CSNK1E: variants seen among roughly 807,000 people sequenced by gnomAD.
CSNK1E encodes the protein casein kinase I isoform epsilon.
A neutral mutation model predicts 46.1 loss-of-function variants in CSNK1E; 17 were observed. That is an observed-to-expected ratio of 0.37 (90% CI 0.25 to 0.55). CSNK1E has a LOEUF of 0.55. Among genes scored for constraint, CSNK1E ranks in the 20% least tolerant of loss-of-function variants. The probability of loss-of-function intolerance (pLI) is 0.82; values close to 1 mark genes in which losing one functional copy is unlikely to be tolerated. For synonymous variants in CSNK1E, 241 were observed against 242.6 expected (o/e 0.99, Z 0.06); for missense variants, 386 against 595.4 (o/e 0.65, Z 3.66).
In CSNK1E at chr22:38,306,455, G is replaced by A. The variant is rs374361840; in HGVS notation, c.77-3207C>T. ...CACAATCAATTTTAGAACACAGGCC[G>A]GGCGCGGTGGCTCACGCCTGTAATC... is the stretch of plus-strand genomic sequence containing the variant. On this transcript the variant is annotated intron_variant, in intron 2 of 10. Coordinates refer to ENST00000396832, the MANE Select transcript of CSNK1E (RefSeq NM_152221.3). Among the ~76,000 whole-genome samples, 19 of 152,142 alleles carry A rather than the reference G, an allele frequency of 1.2e-4. 1 individual carries two copies. Among genetic ancestry groups the A allele is most frequent in the Admixed American group, 9.8e-4 (15 of 15,280 alleles).
chr22:38,309,594 A>G lies in CSNK1E; in HGVS notation c.76+4488T>C, dbSNP rs189431403. ...CTCAGCCTCCCGAGTAACTGGGATT[A>G]CAAGCAGACACCACCACGCCTGGCT... On this transcript the variant is annotated intron_variant, in intron 2 of 10. Transcript: ENST00000396832. This position sits in a 1 kb window ranked among gnomAD's most constrained non-coding sequence, Gnocchi z 4.8. Among the ~76,000 whole-genome samples the G allele has an allele frequency of 6.6e-6, 1 of 151,950 alleles. No individual in the cohort carries two copies. Among genetic ancestry groups the G allele is most frequent in the East Asian group, 1.9e-4 (1 of 5,174 alleles).
At chr22:38,293,796 G>T (rs2092624743) in intron 9 of CSNK1E, 5 of 445,694 alleles carry the variant, frequency 1.1e-5, no homozygotes, top group Admixed American at 3.7e-5. Flanking sequence ...CTGATGTCAG[G>T]GAGCAGCAAC....
chr22:38,303,760 C>A lies in CSNK1E; in HGVS notation c.77-512G>T, dbSNP rs2092685983. On this transcript the variant is annotated intron_variant, in intron 2 of 10. Coordinates refer to ENST00000396832, the MANE Select transcript of CSNK1E (RefSeq NM_152221.3). This position sits in a 1 kb window ranked among gnomAD's most constrained non-coding sequence, Gnocchi z 4.7. ...TGATGCCTTCAGAGGCAGCCCTGCA[C>A]ATTCTAATCCAGTGTCTCATTCGAT... Among the ~76,000 whole-genome samples, 1 of 152,182 alleles carries A rather than the reference C, an allele frequency of 6.6e-6. No homozygotes were observed. The highest frequency in any genetic ancestry group is 2.4e-5 in the African/African-American group (1 of 41,426).
chr22:38,306,007 T>G (rs1485852169), intron 2 of CSNK1E, among the ~76,000 whole-genome samples: 5 of 152,212 alleles, frequency 3.3e-5, no homozygotes, highest in African/African-American at 1.2e-4. Flanking sequence ...CAAATGTCCC[T>G]CCTGAGGGGG....
intron 2 of CSNK1E, among the ~76,000 whole-genome samples, chr22:38,304,147 G>A (rs1199254901): frequency 6.6e-6 from 1 of 152,160 alleles, no homozygotes; most frequent in Non-Finnish European, 1.5e-5. Flanking sequence ...CCTTCCTGGG[G>A]CCAGCAGCGA....
chr22:38,296,777 G>C (rs2092642964), intron 7 of CSNK1E: 1 of 1,488,532 alleles, frequency 6.7e-7, no homozygotes, highest in Non-Finnish European at 9.1e-7. Context: ...GAACGTTCTG[G>C]ATGAAGGAAA....
chr22:38,310,746 G>C (rs781486306), intron 2 of CSNK1E, among the ~76,000 whole-genome samples: 3 of 152,200 alleles, frequency 2.0e-5, no homozygotes, highest in Non-Finnish European at 2.9e-5. Flanking sequence ...TGATGCAGAG[G>C]GAGAAGGGGC....
At chr22:38,311,212 C>T (rs938372768) in intron 2 of CSNK1E, among the ~76,000 whole-genome samples, 3 of 152,214 alleles carry the variant, frequency 2.0e-5, no homozygotes, top group African/African-American at 4.8e-5. Context: ...TTACTTTGCA[C>T]GACCCCATTT....
chr22:38,298,131 AGGGGCG>A lies in CSNK1E; in HGVS notation c.885+649_885+654del, dbSNP rs2092650578. 7.7e-7 allele frequency: 1 copy of A among 1,290,732 alleles called. No individual in the cohort carries two copies. Among genetic ancestry groups the A allele is most frequent in the Non-Finnish European group, 1.0e-6 (1 of 981,764 alleles). The allele number at this position is 1,290,732 out of a possible 1,614,324, so 80.0% of individuals were successfully genotyped here. ...GAGTACGTGGGCCCAGCACAGGGAC[AGGGGCG>A]GGGACAGAAAGGTCCCTTCGCTGTC... is the stretch of plus-strand genomic sequence containing the variant. On this transcript the variant is annotated intron_variant, in intron 7 of 10. Coordinates refer to ENST00000396832, the MANE Select transcript of CSNK1E (RefSeq NM_152221.3). The surrounding 1 kb of genome is among the most constrained non-coding windows in gnomAD (Gnocchi z 4.2).
chr22:38,298,609 G>A lies in CSNK1E; in HGVS notation c.885+177C>T. 4.3e-6 allele frequency: 3 copies of A among 694,088 alleles called. No homozygotes were observed. The East Asian group carries it at 8.0e-5, about 19-fold the overall frequency. The allele number at this position is 694,088 out of a possible 1,614,324, so 43.0% of individuals were successfully genotyped here. The stretch of plus-strand genomic sequence containing the variant: ...GGCCCTGCTGCCCATGGTGGCACAA[G>A]CTGTCAGCACGGATGAGGCTGGAGG... On this transcript the variant is annotated intron_variant, in intron 7 of 10. Coordinates refer to ENST00000396832, the MANE Select transcript of CSNK1E (RefSeq NM_152221.3). The surrounding 1 kb of genome is among the most constrained non-coding windows in gnomAD (Gnocchi z 4.2).
rs2092631800 is a variant in CSNK1E, at chr22:38,294,912, C to T, written c.886-378G>A. ...TGTGTACCAAGAGCCCTTAACTACTCAAGGTTGCTAAACCGAGCAGGAAAG... is the reference window on the plus strand; with the variant it reads ...TGTGTACCAAGAGCCCTTAACTACTTAAGGTTGCTAAACCGAGCAGGAAAG... On this transcript the variant is annotated intron_variant, in intron 7 of 10. Coordinates refer to ENST00000396832, the MANE Select transcript of CSNK1E (RefSeq NM_152221.3). This position sits in a 1 kb window ranked among gnomAD's most constrained non-coding sequence, Gnocchi z 5.5. Among the ~76,000 whole-genome samples the T allele has an allele frequency of 6.6e-6, 1 of 152,186 alleles. No homozygotes were observed.
Position 38,293,255 on chromosome 22 carries a change from C to G in CSNK1E, c.*32G>C. ...GCATCTGCAGCAGTCATGGACTCAC[C>G]TAAGCAAACACTGGTCCAATGGGGG... On this transcript the variant is annotated splice_region_variant and 3_prime_UTR_variant, in exon 10 of 11. Coordinates refer to ENST00000396832, the MANE Select transcript of CSNK1E (RefSeq NM_152221.3). 1 of 1,612,686 alleles carries G rather than the reference C, an allele frequency of 6.2e-7. No individual in the cohort carries two copies. The highest frequency in any genetic ancestry group is 2.2e-5 in the East Asian group (1 of 44,848).
At position 38,309,099 on chromosome 22, in the gene CSNK1E, C is replaced by A. The variant is rs1391304034; in HGVS notation, c.76+4983G>T. Among the ~76,000 whole-genome samples the A allele has an allele frequency of 3.3e-5, 5 of 152,204 alleles. No individual in the cohort carries two copies. The highest frequency in any genetic ancestry group is 5.9e-5 in the Non-Finnish European group (4 of 68,040). Reference sequence around the variant, plus strand: ...CCCATGACTTCTACCCACTAGATGCCAGGGCACCCCTTTCCCCCTGAATTG... The same window carrying A: ...CCCATGACTTCTACCCACTAGATGCAAGGGCACCCCTTTCCCCCTGAATTG... On this transcript the variant is annotated intron_variant, in intron 2 of 10. Transcript: ENST00000396832. The surrounding 1 kb of genome is among the most constrained non-coding windows in gnomAD (Gnocchi z 4.8).
At chr22:38,310,833 G>A (rs544684619) in intron 2 of CSNK1E, among the ~76,000 whole-genome samples, 3 of 152,356 alleles carry the variant, frequency 2.0e-5, no homozygotes, top group Admixed American at 1.3e-4. Flanking sequence ...CAGCCCCACC[G>A]GCAGAGGCCA....
At chr22:38,297,776 C>G in intron 7 of CSNK1E, 4 of 998,598 alleles carry the variant, frequency 4.0e-6, no homozygotes, top group Non-Finnish European at 4.8e-6. Context: ...CCTTTTCCAC[C>G]ATGGCCTCCA....
intron 2 of CSNK1E, among the ~76,000 whole-genome samples, chr22:38,308,594 A>T (rs1265185210): frequency 6.6e-6 from 1 of 152,160 alleles, no homozygotes; most frequent in Non-Finnish European, 1.5e-5. Context: ...GTTCTGACAG[A>T]CAAACATGCT....
intron 1 of CSNK1E, 75 bp from the exon 2 acceptor site, chr22:38,314,244 C>G (rs887909278): frequency 8.7e-7 from 1 of 1,155,052 alleles, no homozygotes; most frequent in African/African-American, 1.5e-5. Flanking sequence ...CAAGGCCAGG[C>G]AGAGCCACCA....
At chr22:38,296,412 G>A (rs1231580592) in intron 7 of CSNK1E, 5 of 1,425,116 alleles carry the variant, frequency 3.5e-6, no homozygotes, top group Non-Finnish European at 4.6e-6. Context: ...CCCCGGTGCA[G>A]CCAACAACAC....
In CSNK1E at chr22:38,303,221, A is replaced by AC; in HGVS notation, c.103dup (p.Val35GlyfsTer40). On this transcript the variant is annotated frameshift_variant, in exon 3 of 11. Coordinates refer to ENST00000396832, the MANE Select transcript of CSNK1E (RefSeq NM_152221.3). LOFTEE classifies it high-confidence loss of function. This position sits in a 1 kb window ranked among gnomAD's most constrained non-coding sequence, Gnocchi z 4.7. The stretch of plus-strand genomic sequence containing the variant: ...CTTCACACACTCCAGCTTGATGGCG[A>AC]CTTCCTCACCAGAGGCGATGTTGGC... The AC allele has an allele frequency of 6.2e-7, 1 of 1,608,140 alleles. No individual in the cohort carries two copies. Among genetic ancestry groups the AC allele is most frequent in the Non-Finnish European group, 8.5e-7 (1 of 1,177,880 alleles).
Sources: allele counts gnomAD v4.1 joint callset (sites outside exome capture counted in the v4.1 genomes callset), GRCh38; gene constraint gnomAD v4.1.1; non-coding constraint Gnocchi (gnomAD v3.1); transcripts MANE v1.5; gene names NCBI Gene and HGNC (gene_info 2026-07-23, HGNC 2026-07-21).